NXF2B: variants seen among roughly 807,000 people sequenced by gnomAD.
The protein encoded by NXF2B is nuclear RNA export factor 2B.
At chrX:102,438,392 T>C (rs1452547819) in intron 2 of NXF2B, among the ~76,000 whole-genome samples, 161 bp downstream of exon 2, 1 of 22,696 alleles carries the variant, frequency 4.4e-5, no homozygotes, top group Non-Finnish European at 1.0e-4. Context: ...TAGGGTACCA[T>C]GTGTTCAGCC....
intron 2 of NXF2B, chrX:102,426,986 T>C: frequency 1.8e-5 from 1 of 56,847 alleles, no homozygotes; most frequent in Non-Finnish European, 4.1e-5. Context: ...GGCAGACACT[T>C]GATGAATTTG....
intron 2 of NXF2B, among the ~76,000 whole-genome samples, chrX:102,435,949 G>A (rs1249615718): frequency 1.1e-4 from 4 of 35,616 alleles, no homozygotes; most frequent in South Asian, 0.013. Context: ...GCAACATAGC[G>A]AGGCCCCATA....
chrX:102,412,610 G>GA (rs1934385795), intron 2 of NXF2B, among the ~76,000 whole-genome samples: 1 of 27,202 alleles, frequency 3.7e-5, no homozygotes, highest in East Asian at 5.1e-4. Flanking sequence ...AGAAGAAGAA[G>GA]AAGAAGAAGA....
At chrX:102,432,597 G>A (rs1934455384) in intron 2 of NXF2B, among the ~76,000 whole-genome samples, 2 of 80,610 alleles carry the variant, frequency 2.5e-5, no homozygotes, top group African/African-American at 4.5e-5. Flanking sequence ...AAACATTGCC[G>A]AGTGTGTGGA....
intron 2 of NXF2B, among the ~76,000 whole-genome samples, chrX:102,433,032 T>C (rs1934460256): frequency 1.6e-5 from 1 of 60,958 alleles, no homozygotes; most frequent in South Asian, 8.7e-4. Flanking sequence ...TGGAGGACAT[T>C]ATGCTATAAC....
chrX:102,433,666 TACAC>T (rs1353786509), intron 2 of NXF2B, among the ~76,000 whole-genome samples: 1 of 16,116 alleles, frequency 6.2e-5, no homozygotes, highest in Admixed American at 6.8e-4. Context: ...AGTCTTTTAA[TACAC>T]ACACAAAAAA....
intron 2 of NXF2B, among the ~76,000 whole-genome samples, chrX:102,392,826 C>T (rs1934293289): frequency 2.1e-5 from 1 of 47,273 alleles, no homozygotes; most frequent in African/African-American, 6.0e-5. Context: ...TTCACTGTCA[C>T]ATTGATTTTT....
At chrX:102,393,282 C>A (rs1344271896) in intron 2 of NXF2B, among the ~76,000 whole-genome samples, 1 of 959 alleles carries the variant, frequency 1.0e-3, no homozygotes, top group Non-Finnish European at 9.3e-3. Flanking sequence ...GAGGCTGAGG[C>A]GGGCGGATCA....
chrX:102,438,388 A>G (rs1158840367), intron 2 of NXF2B, among the ~76,000 whole-genome samples, 165 bp downstream of exon 2: 1 of 22,698 alleles, frequency 4.4e-5, no homozygotes, highest in Non-Finnish European at 1.0e-4. Context: ...AGTATAGGGT[A>G]CCATGTGTTC....
intron 1 of NXF2B, 127 bp from the exon 2 acceptor site, chrX:102,438,801 G>T (rs1934481875): frequency 3.7e-5 from 1 of 26,814 alleles, no homozygotes; most frequent in Non-Finnish European, 9.2e-5. Flanking sequence ...GTCAATTAGT[G>T]CATCAATGTA....
chrX:102,408,229 CAA>C (rs1160843335), intron 2 of NXF2B, among the ~76,000 whole-genome samples: 5 of 4,143 alleles, frequency 1.2e-3, no homozygotes, highest in African/African-American at 3.6e-3. Flanking sequence ...AACCTCAAAC[CAA>C]AAAAAAAAAA....
At chrX:102,397,924 G>A (rs1398218224) in intron 2 of NXF2B, among the ~76,000 whole-genome samples, 10 of 114,599 alleles carry the variant, frequency 8.7e-5, no homozygotes, top group Non-Finnish European at 1.5e-4. Flanking sequence ...GCTTCTGCAC[G>A]GCAAAGGAAA....
At chrX:102,377,208 GAGAA>G (rs1934242449) in intron 1 of NXF2B, among the ~76,000 whole-genome samples, 1 of 75,766 alleles carries the variant, frequency 1.3e-5, no homozygotes, top group Non-Finnish European at 2.5e-5. Flanking sequence ...GAGAGAGAGA[GAGAA>G]AGAGAGTGTG....
intron 2 of NXF2B, among the ~76,000 whole-genome samples, chrX:102,397,905 A>G (rs1317784271): frequency 8.7e-6 from 1 of 114,843 alleles, no homozygotes; most frequent in Admixed American, 9.1e-5. Flanking sequence ...GACCTAATTA[A>G]ACTAAAAAGC....
At chrX:102,420,306 CT>C (rs1280177197) in intron 2 of NXF2B, among the ~76,000 whole-genome samples, 6 of 87,769 alleles carry the variant, frequency 6.8e-5, no homozygotes, top group East Asian at 3.3e-4. Flanking sequence ...TGGTCCTGGA[CT>C]TTTTTTGTTT....
At chrX:102,435,898 C>T (rs868961007) in intron 2 of NXF2B, among the ~76,000 whole-genome samples, 10 of 38,685 alleles carry the variant, frequency 2.6e-4, no homozygotes, top group Non-Finnish European at 2.3e-4. Flanking sequence ...GAGACCAAGG[C>T]GGGAGGATCA....
chrX:102,412,644 A>AAGAAGAAGAAGT lies in NXF2B; in HGVS notation c.-54+25908_-54+25909insACTTCTTCTTCT, dbSNP rs1342457195. Among the ~76,000 whole-genome samples, 24 of 30,095 alleles carry AAGAAGAAGAAGT rather than the reference A, an allele frequency of 8.0e-4. 4 individuals carry two copies. The highest frequency in any genetic ancestry group is 4.0e-3 in the African/African-American group (24 of 5,935). The allele number at this position is 30,095 out of a possible 115,157, so 26.1% of individuals were successfully genotyped here. ...GAAGAAGAAGAAGAAGAAGAAGAAG[A>AAGAAGAAGAAGT]AGTAGTCATCATCGTCGTTGTTGTC... On this transcript the variant is annotated intron_variant, in intron 2 of 22. Transcript: ENST00000602195.
rs1348753851 is a variant in NXF2B at position 102,438,535 on chromosome X, G to C, written c.-54+18C>G. 1 of 62,523 alleles carries C rather than the reference G, an allele frequency of 1.6e-5. No individual in the cohort carries two copies. The highest frequency in any genetic ancestry group is 4.1e-5 in the Non-Finnish European group (1 of 24,314). The allele number at this position is 62,523 out of a possible 1,213,427, so 5.2% of individuals were successfully genotyped here. On this transcript the variant is annotated intron_variant, in intron 2 of 22. Coordinates refer to the NXF2B transcript ENST00000602195. ...AACATGAGACAAACACAAATTGAGAGACATTCCACAAAATTACCTGACTGG... is the reference window on the plus strand; with the variant it reads ...AACATGAGACAAACACAAATTGAGACACATTCCACAAAATTACCTGACTGG...
intron 2 of NXF2B, among the ~76,000 whole-genome samples, chrX:102,435,630 A>G (rs782702425): frequency 0.017 from 328 of 19,587 alleles, 19 homozygotes; most frequent in African/African-American, 0.059. Flanking sequence ...GCTAATGGAA[A>G]TGAAAACCAG....
Sources: allele counts gnomAD v4.1 joint callset (sites outside exome capture counted in the v4.1 genomes callset), GRCh38; gene constraint gnomAD v4.1.1; transcripts MANE v1.5; gene names NCBI Gene and HGNC (gene_info 2026-07-23, HGNC 2026-07-21).